The following PTAFR variants were observed in gnomAD, a reference collection of about 807,000 sequenced individuals.
PTAFR encodes platelet activating factor receptor, also known as platelet-activating factor receptor.
In PTAFR, 8 loss-of-function variants were observed where a neutral mutation model predicts 14.7. The observed-to-expected ratio is 0.54, with a 90% CI of 0.32 to 0.98. The LOEUF (loss-of-function observed/expected upper bound fraction) is 0.98, where lower values mean the gene tolerates loss of function less well. Ranked by LOEUF, PTAFR falls within the 50% of genes least tolerant of loss-of-function variation. The pLI, the probability that PTAFR is intolerant of heterozygous loss-of-function variation, is 0.04. For missense variants in PTAFR, 337 were observed against 451.2 expected, an observed-to-expected ratio of 0.75 and a Z score of 2.29; for synonymous variants, 156 against 176.5, an observed-to-expected ratio of 0.88 and a Z score of 0.92.
At chr1:28,192,515 G>A (rs1420497351) in intron 1 of PTAFR, among the ~76,000 whole-genome samples, 2 of 137,986 alleles carry the variant, frequency 1.4e-5, no homozygotes, top group Non-Finnish European at 3.0e-5. Context: ...CCAAGATCAC[G>A]CCATTGCACT....
At chr1:28,182,808 G>A (rs981349823) in intron 1 of PTAFR, among the ~76,000 whole-genome samples, 4 of 152,126 alleles carry the variant, frequency 2.6e-5, no homozygotes, top group Non-Finnish European at 5.9e-5. Context: ...AATGTCCCAA[G>A]TAGCTGGGAT....
rs781362229 is a variant in PTAFR at position 28,147,329 on chromosome 1, A to C, written c.*2664T>G. The C allele has an allele frequency of 5.3e-5, 8 of 151,998 alleles. No homozygotes were observed. Among genetic ancestry groups the C allele is most frequent in the Non-Finnish European group, 1.2e-4 (8 of 68,008 alleles). The allele number at this position is 151,998 out of a possible 1,614,324, so 9.4% of individuals were successfully genotyped here. A position where few individuals can be genotyped will look rare whatever the true frequency, so the allele number is the denominator to read the frequency against. On this transcript the variant is annotated 3_prime_UTR_variant, in exon 2 of 2. Coordinates refer to ENST00000373857, the MANE Select transcript of PTAFR (RefSeq NM_000952.5). Reference sequence around the variant, plus strand: ...GCTCTTTTGGCTGCGAGAAACAGACACCCAATCAAATCAGCTTCAGCAAAA... The same window carrying C: ...GCTCTTTTGGCTGCGAGAAACAGACCCCCAATCAAATCAGCTTCAGCAAAA...
In PTAFR at chr1:28,150,400, C is replaced by A; in HGVS notation, c.622G>T (p.Val208Phe). The change falls in exon 2 of 2, where the codon GTC (valine) becomes TTC (phenylalanine). Residue 208 changes from valine (V) to phenylalanine (F), a missense_variant. By Grantham distance (50) the Val-to-Phe change is conservative. Transcript: ENST00000373857. This position sits in a 1 kb window ranked among gnomAD's most constrained non-coding sequence, Gnocchi z 6.3. Reference sequence around the variant, plus strand: ...TGCATGAGCAAGGTACGGATGATGACCAGGTTGCAGAAGAGGATGATGAGG... The same window carrying A: ...TGCATGAGCAAGGTACGGATGATGAACAGGTTGCAGAAGAGGATGATGAGG... ...VFLIILFCNL[V>F]IIRTLLMQPV... 6.2e-7 allele frequency: 1 copy of A among 1,613,882 alleles called. No individual in the cohort carries two copies. The highest frequency in any genetic ancestry group is 8.5e-7 in the Non-Finnish European group (1 of 1,179,868).
intron 1 of PTAFR, among the ~76,000 whole-genome samples, chr1:28,174,422 A>T (rs1158020996): frequency 1.3e-5 from 2 of 152,130 alleles, no homozygotes. Context: ...GTAAAAGGAC[A>T]ATAAGATCCC....
chr1:28,183,425 G>A (rs2149007077), intron 1 of PTAFR, among the ~76,000 whole-genome samples: 1 of 152,176 alleles, frequency 6.6e-6, no homozygotes, highest in Non-Finnish European at 1.5e-5. Context: ...AGTAAGGCTG[G>A]GCACAGTGTC....
At chr1:28,156,386 A>G (rs575074567) in intron 1 of PTAFR, among the ~76,000 whole-genome samples, 52 of 152,366 alleles carry the variant, frequency 3.4e-4, no homozygotes, top group Admixed American at 2.7e-3. Context: ...ACAGCAGCCT[A>G]AGTGCAAAAG....
intron 1 of PTAFR, among the ~76,000 whole-genome samples, chr1:28,183,620 T>A (rs1203247595): frequency 6.6e-6 from 1 of 151,506 alleles, no homozygotes; most frequent in African/African-American, 2.4e-5. Context: ...CAGAGTGATA[T>A]CTTCTCTTCA....
rs202194891 is a variant in PTAFR at position 28,151,664 on chromosome 1, A to AC, written c.-38-606_-38-605insG. On this transcript the variant is annotated intron_variant, in intron 1 of 1. Coordinates refer to ENST00000373857, the MANE Select transcript of PTAFR (RefSeq NM_000952.5). ...GACAAAGTGAGACTCTGTCTCACAC[A>AC]AAAAAAAAAAATAATAATTCTTTAA... 4.9e-4 allele frequency among the ~76,000 whole-genome samples: 73 copies of AC among 148,850 alleles called. No homozygotes were observed. The South Asian group carries it at 7.4e-3, about 15-fold the overall frequency.
chr1:28,173,753 G>A (rs1270106968), intron 1 of PTAFR, among the ~76,000 whole-genome samples: 1 of 152,026 alleles, frequency 6.6e-6, no homozygotes, highest in Non-Finnish European at 1.5e-5. Context: ...CCCAGGCCCT[G>A]AAGATCTCCC....
chr1:28,149,835 G>A lies in PTAFR; in HGVS notation c.*158C>T. 1 of 964,584 alleles carries A rather than the reference G, an allele frequency of 1.0e-6. No individual in the cohort carries two copies. Among genetic ancestry groups the A allele is most frequent in the Non-Finnish European group, 1.5e-6 (1 of 663,356 alleles). The allele number at this position is 964,584 out of a possible 1,614,324, so 59.8% of individuals were successfully genotyped here. A position where few individuals can be genotyped will look rare whatever the true frequency, so the allele number is the denominator to read the frequency against. ...GAGTTCTGGATTTTCCAACAGCCTG[G>A]CTCTGCCATCATCCCTGCCCAGGTG... On this transcript the variant is annotated 3_prime_UTR_variant, in exon 2 of 2. Transcript: ENST00000373857.
Position 28,147,298 on chromosome 1 carries a change from T to C in PTAFR, c.*2695A>G, listed in dbSNP as rs1300436969. The C allele has an allele frequency of 6.6e-6, 1 of 151,930 alleles. No homozygotes were observed. The highest frequency in any genetic ancestry group is 2.4e-5 in the African/African-American group (1 of 41,358). 9.4% of individuals were successfully genotyped at this position (151,930 alleles called of 1,614,324 possible). ...AGTTAGCACAGAAGCACTTTCCTCA[T>C]TCAGAGCTCTTTTGGCTGCGAGAAA... is the stretch of plus-strand genomic sequence containing the variant. On this transcript the variant is annotated 3_prime_UTR_variant, in exon 2 of 2. Transcript: ENST00000373857.
chr1:28,168,257 C>T (rs1038336193), intron 1 of PTAFR, among the ~76,000 whole-genome samples: 2 of 151,998 alleles, frequency 1.3e-5, no homozygotes, highest in African/African-American at 2.4e-5. Flanking sequence ...AGGCGTGAGC[C>T]ACCGCGCCCG....
chr1:28,178,449 C>G (rs559223936), upstream of PTAFR, among the ~76,000 whole-genome samples: 5 of 151,692 alleles, frequency 3.3e-5, no homozygotes, highest in Admixed American at 6.6e-5. Context: ...TTAGTAGAGA[C>G]GGGGTTTCAC....
chr1:28,149,934 TC>T lies in PTAFR; in HGVS notation c.*58del. 6.5e-7 allele frequency: 1 copy of T among 1,549,034 alleles called. No homozygotes were observed. The highest frequency in any genetic ancestry group is 8.7e-7 in the Non-Finnish European group (1 of 1,144,244). ...CCAGACCACAGTAGATATCCCTTCT[TC>T]CCCCAGCTCAGTCCATGATGTTCAT... On this transcript the variant is annotated 3_prime_UTR_variant, in exon 2 of 2. Coordinates refer to ENST00000373857, the MANE Select transcript of PTAFR (RefSeq NM_000952.5).
intron 1 of PTAFR, among the ~76,000 whole-genome samples, chr1:28,170,873 G>A (rs1044512702): frequency 1.3e-5 from 2 of 151,524 alleles, no homozygotes; most frequent in Non-Finnish European, 2.9e-5. Flanking sequence ...GGTGGTGGGC[G>A]CCTGTAGTCC....
In PTAFR at chr1:28,149,848, C is replaced by T. The variant is rs1330774820; in HGVS notation, c.*145G>A. 5 of 1,118,724 alleles carry T rather than the reference C, an allele frequency of 4.5e-6. No individual in the cohort carries two copies. Among genetic ancestry groups the T allele is most frequent in the African/African-American group, 1.6e-5 (1 of 63,894 alleles). The allele number at this position is 1,118,724 out of a possible 1,614,324, so 69.3% of individuals were successfully genotyped here. ...TCCAACAGCCTGGCTCTGCCATCAT[C>T]CCTGCCCAGGTGAGGTAGCCTCCAA... On this transcript the variant is annotated 3_prime_UTR_variant, in exon 2 of 2. Coordinates refer to ENST00000373857, the MANE Select transcript of PTAFR (RefSeq NM_000952.5).
chr1:28,155,669 A>T (rs1646256249), intron 1 of PTAFR, among the ~76,000 whole-genome samples: 2 of 152,158 alleles, frequency 1.3e-5, no homozygotes, highest in Non-Finnish European at 2.9e-5. Flanking sequence ...GTTTGAGACC[A>T]GCCTGGTCAA....
intron 1 of PTAFR, among the ~76,000 whole-genome samples, chr1:28,156,689 G>T (rs1646266997): frequency 1.3e-5 from 2 of 152,056 alleles, no homozygotes; most frequent in South Asian, 4.1e-4. Flanking sequence ...GATATAAAAG[G>T]ACCCTGAGAC....
intron 1 of PTAFR, among the ~76,000 whole-genome samples, chr1:28,156,941 C>T (rs1032109482): frequency 7.9e-5 from 12 of 152,184 alleles, no homozygotes; most frequent in South Asian, 2.1e-4. Context: ...CAGTCAGGTC[C>T]GCACCTCCCT....
Sources: gnomAD v4.1 joint callset for allele counts (sites outside exome capture counted in the v4.1 genomes callset) on GRCh38, gnomAD v4.1.1 for gene constraint, Gnocchi (gnomAD v3.1) non-coding constraint, MANE v1.5 for transcripts, NCBI Gene and HGNC (gene_info 2026-07-23, HGNC 2026-07-21) for gene names.